PGBD5: variants seen among roughly 807,000 people sequenced by gnomAD.
PGBD5 encodes piggyBac transposable element-derived protein 5.
A neutral mutation model predicts 47.9 loss-of-function variants in PGBD5; 14 were observed. That is an observed-to-expected ratio of 0.29 (90% CI 0.19 to 0.46). PGBD5 has a LOEUF of 0.46. PGBD5 is among the 20% of genes least tolerant of loss of function. PGBD5 has a pLI of 1.00. For synonymous variants in PGBD5, 316 were observed against 306.3 expected (o/e 1.03, Z -0.33); for missense variants, 635 against 716.0 (o/e 0.89, Z 1.29).
intron 1 of PGBD5, among the ~76,000 whole-genome samples, chr1:230,381,166 C>A (rs537209605): frequency 6.6e-6 from 1 of 152,224 alleles, no homozygotes; most frequent in East Asian, 1.9e-4. Flanking sequence ...AACAAGGTTG[C>A]GAAATTTACC....
At chr1:230,369,359 G>A (rs1028518410) in intron 1 of PGBD5, among the ~76,000 whole-genome samples, 3 of 152,242 alleles carry the variant, frequency 2.0e-5, no homozygotes, top group Non-Finnish European at 4.4e-5. Flanking sequence ...CAGGGGGACT[G>A]CTTGCCCTCT....
intron 1 of PGBD5, among the ~76,000 whole-genome samples, chr1:230,371,667 G>A (rs1216458399): frequency 6.6e-6 from 1 of 152,166 alleles, no homozygotes; most frequent in Admixed American, 6.5e-5. Context: ...TAATTTTGAG[G>A]TGTCCGGTAA....
chr1:230,388,516 C>T (rs1241129791), intron 1 of PGBD5, among the ~76,000 whole-genome samples: 4 of 151,582 alleles, frequency 2.6e-5, no homozygotes, highest in Non-Finnish European at 2.9e-5. Context: ...CCTGGGTTCA[C>T]GCCATTCTCC....
At chr1:230,379,248 A>G (rs115720495) in intron 1 of PGBD5, among the ~76,000 whole-genome samples, 1,789 of 152,140 alleles carry the variant, frequency 0.012, 32 homozygotes, top group African/African-American at 0.04. Flanking sequence ...TCACTTAGTA[A>G]TTCATGCCAC....
chr1:230,421,503 A>G (rs1657646949), intron 1 of PGBD5, among the ~76,000 whole-genome samples: 1 of 152,208 alleles, frequency 6.6e-6, no homozygotes. Context: ...TTCCCCAGTC[A>G]CATGGCAGTG....
intron 5 of PGBD5, among the ~76,000 whole-genome samples, chr1:230,331,658 C>CA (rs1667217580): frequency 1.3e-5 from 2 of 148,776 alleles, no homozygotes; most frequent in Non-Finnish European, 3.0e-5. Flanking sequence ...CCTCCTCCTC[C>CA]TTTTTTTTTT....
At chr1:230,406,960 T>C (rs948324393) in intron 1 of PGBD5, among the ~76,000 whole-genome samples, 3 of 152,180 alleles carry the variant, frequency 2.0e-5, no homozygotes, top group Admixed American at 2.0e-4. Flanking sequence ...TCAGCCTCCT[T>C]AGTAGCTGGA....
In PGBD5 at chr1:230,344,472, T is replaced by C. The variant is rs192137068; in HGVS notation, c.894+6486A>G. On this transcript the variant is annotated intron_variant, in intron 3 of 6. Transcript: ENST00000391860. ...TTGTGGAGAAAAAATGAATCCTGCA[T>C]GTGAAGTGCTTAAGCACAGAGCCTG... Among the ~76,000 whole-genome samples the C allele has an allele frequency of 9.2e-5, 14 of 152,290 alleles. No homozygotes were observed. In the East Asian group the frequency reaches 2.1e-3, roughly 23 times the overall value.
intron 3 of PGBD5, among the ~76,000 whole-genome samples, chr1:230,341,317 C>T (rs6684060): frequency 0.91 from 137,932 of 152,180 alleles, 64,052 homozygotes; most frequent in East Asian, 1. Flanking sequence ...CAGGCAGGTC[C>T]GGTACCTGAC....
At chr1:230,406,860 A>G (rs186921006) in intron 1 of PGBD5, among the ~76,000 whole-genome samples, 34 of 152,310 alleles carry the variant, frequency 2.2e-4, no homozygotes, top group African/African-American at 6.7e-4. Flanking sequence ...TTTGAGACAG[A>G]GTTTCACTCT....
In PGBD5 at chr1:230,316,100, T is replaced by A. The variant is rs201012991; in HGVS notation, c.*7325A>T. Reference sequence around the variant, plus strand: ...TGTTTATGTGTATACATACATATGTTTATGTGTACACATATATCTATGTGT... The same window carrying A: ...TGTTTATGTGTATACATACATATGTATATGTGTACACATATATCTATGTGT... On this transcript the variant is annotated 3_prime_UTR_variant, in exon 7 of 7. Coordinates refer to ENST00000391860, the MANE Select transcript of PGBD5 (RefSeq NM_001258311.2). The A allele has an allele frequency of 8.8e-4, 100 of 113,552 alleles. 3 individuals carry two copies. Among genetic ancestry groups the A allele is most frequent in the East Asian group, 2.8e-3 (5 of 1,758 alleles). The allele number at this position is 113,552 out of a possible 1,614,324, so 7.0% of individuals were successfully genotyped here. A position where few individuals can be genotyped will look rare whatever the true frequency, so the allele number is the denominator to read the frequency against.
intron 2 of PGBD5, among the ~76,000 whole-genome samples, chr1:230,353,272 T>C (rs1667586054): frequency 6.6e-6 from 1 of 152,130 alleles, no homozygotes; most frequent in Admixed American, 6.5e-5. Flanking sequence ...CTTGATGAGC[T>C]CGTTTTGAGG....
intron 1 of PGBD5, among the ~76,000 whole-genome samples, chr1:230,393,551 T>C (rs926109310): frequency 1.3e-5 from 2 of 151,880 alleles, no homozygotes; most frequent in African/African-American, 4.8e-5. Flanking sequence ...GAAAAGAAAA[T>C]AATAGGCCGG....
chr1:230,316,189 C>A lies in PGBD5; in HGVS notation c.*7236G>T, dbSNP rs1017475851. On this transcript the variant is annotated 3_prime_UTR_variant, in exon 7 of 7. Coordinates refer to ENST00000391860, the MANE Select transcript of PGBD5 (RefSeq NM_001258311.2). ...GTATACATACATACGTACACATGTG[C>A]ATGTGTATACATACATATGTACACA... 1 of 143,478 alleles carries A rather than the reference C, an allele frequency of 7.0e-6. No individual in the cohort carries two copies. The highest frequency in any genetic ancestry group is 2.6e-5 in the African/African-American group (1 of 39,082). 8.9% of individuals were successfully genotyped at this position (143,478 alleles called of 1,614,324 possible).
intron 1 of PGBD5, among the ~76,000 whole-genome samples, chr1:230,412,148 G>A (rs1401144534): frequency 6.6e-6 from 1 of 152,140 alleles, no homozygotes; most frequent in Non-Finnish European, 1.5e-5. Flanking sequence ...TCAGAAAAAG[G>A]ACTCCAGTCA....
In PGBD5 at chr1:230,346,792, G is replaced by A. The variant is rs142782098; in HGVS notation, c.894+4166C>T. 1.6e-4 allele frequency among the ~76,000 whole-genome samples: 25 copies of A among 152,168 alleles called. 1 individual carries two copies. In the South Asian group the frequency reaches 1.7e-3, roughly 10 times the overall value. The stretch of plus-strand genomic sequence containing the variant: ...TCCTGCGACGTACAGACACACCTCC[G>A]GTATTGCACTTGTCACGCTATGTCG... On this transcript the variant is annotated intron_variant, in intron 3 of 6. Transcript: ENST00000391860.
chr1:230,335,880 C>T (rs1558192946), intron 4 of PGBD5, among the ~76,000 whole-genome samples: 1 of 148,620 alleles, frequency 6.7e-6, no homozygotes, highest in Non-Finnish European at 1.5e-5. Context: ...CATACACGGA[C>T]ACACAGATGC....
At chr1:230,380,660 G>A (rs1029260170) in intron 1 of PGBD5, among the ~76,000 whole-genome samples, 2 of 152,192 alleles carry the variant, frequency 1.3e-5, no homozygotes. Context: ...GGTTTCCAAA[G>A]AAAACCCTGT....
rs1666918037 is a variant in PGBD5 at position 230,315,320 on chromosome 1, A to G, written c.*8105T>C. ...AGTGTTGGGCAGCTCTAAGGTTGGAAACTGCTTTCCCCACTGAGCTGAAGG... is the reference window on the plus strand; with the variant it reads ...AGTGTTGGGCAGCTCTAAGGTTGGAGACTGCTTTCCCCACTGAGCTGAAGG... On this transcript the variant is annotated 3_prime_UTR_variant, in exon 7 of 7. Transcript: ENST00000391860. 1 of 152,152 alleles carries G rather than the reference A, an allele frequency of 6.6e-6. No individual in the cohort carries two copies. Among genetic ancestry groups the G allele is most frequent in the African/African-American group, 2.4e-5 (1 of 41,412 alleles). 9.4% of individuals were successfully genotyped at this position (152,152 alleles called of 1,614,324 possible). A position where few individuals can be genotyped will look rare whatever the true frequency, so the allele number is the denominator to read the frequency against.
Sources: allele counts gnomAD v4.1 joint callset (sites outside exome capture counted in the v4.1 genomes callset), GRCh38; gene constraint gnomAD v4.1.1; transcripts MANE v1.5; gene names NCBI Gene and HGNC (gene_info 2026-07-23, HGNC 2026-07-21).